The following PHACTR1 variants were observed in gnomAD, a reference collection of about 807,000 sequenced individuals.
PHACTR1 encodes the protein RPEL repeat containing 1.
Under a neutral mutation model 69.2 loss-of-function variants are expected in PHACTR1, and 16 were observed. The observed-to-expected ratio is 0.23, with a 90% CI of 0.16 to 0.35. The LOEUF is 0.35. Among genes scored for constraint, PHACTR1 ranks in the 10% least tolerant of loss-of-function variants. PHACTR1 has a pLI of 1.00. For missense variants in PHACTR1, 510 were observed against 734.7 expected (o/e 0.69, Z 3.54); for synonymous variants, 312 against 284.5 (o/e 1.10, Z -0.97).
At chr6:13,073,880 T>C (rs1211203827) in intron 5 of PHACTR1, among the ~76,000 whole-genome samples, 4 of 151,530 alleles carry the variant, frequency 2.6e-5, no homozygotes, top group South Asian at 4.2e-4. Flanking sequence ...TTTTCTTTTT[T>C]TTTTTTTTCT....
chr6:13,203,521 TA>T (rs1765509450), intron 7 of PHACTR1, among the ~76,000 whole-genome samples: 1 of 152,226 alleles, frequency 6.6e-6, no homozygotes, highest in Admixed American at 6.5e-5. Flanking sequence ...TCATTCCTGC[TA>T]TCATCATTAA....
intron 4 of PHACTR1, among the ~76,000 whole-genome samples, chr6:12,768,446 A>G (rs1250369037): frequency 6.6e-6 from 1 of 152,142 alleles, no homozygotes; most frequent in Non-Finnish European, 1.5e-5. Flanking sequence ...CCTGGAAGAA[A>G]CAGTTATCAC....
chr6:12,812,534 A>G (rs1775135915), intron 4 of PHACTR1, among the ~76,000 whole-genome samples: 1 of 152,298 alleles, frequency 6.6e-6, no homozygotes, highest in South Asian at 2.1e-4. Flanking sequence ...TAAACCACCC[A>G]ACAAGGCCTA....
intron 4 of PHACTR1, among the ~76,000 whole-genome samples, chr6:13,009,422 T>A (rs1305216270): frequency 6.6e-6 from 1 of 152,188 alleles, no homozygotes; most frequent in African/African-American, 2.4e-5. Flanking sequence ...TTTTCTTACA[T>A]TAAATATGTA....
intron 7 of PHACTR1, among the ~76,000 whole-genome samples, chr6:13,186,993 T>C (rs1335245774): frequency 1.3e-5 from 2 of 152,174 alleles, no homozygotes; most frequent in African/African-American, 4.8e-5. Context: ...TGGATTTTCA[T>C]AAGGAACATG....
chr6:13,206,318 A>G (rs562473695), intron 8 of PHACTR1, among the ~76,000 whole-genome samples, 182 bp downstream of exon 8: 22 of 152,260 alleles, frequency 1.4e-4, no homozygotes, highest in Non-Finnish European at 2.8e-4. Context: ...AATGTTGCCA[A>G]TTGAAAAGCT....
At chr6:13,215,698 C>A (rs1251476361) in intron 8 of PHACTR1, among the ~76,000 whole-genome samples, 1 of 152,170 alleles carries the variant, frequency 6.6e-6, no homozygotes, top group Admixed American at 6.5e-5. Context: ...TAAAGAAAAA[C>A]CATACAGGTC....
intron 5 of PHACTR1, among the ~76,000 whole-genome samples, chr6:13,142,463 T>C (rs945421959): frequency 1.3e-5 from 2 of 152,220 alleles, no homozygotes; most frequent in African/African-American, 4.8e-5. Context: ...GTGTCATATC[T>C]AAAAAGCCAT....
At chr6:12,773,190 GT>G (rs1391473072) in intron 4 of PHACTR1, among the ~76,000 whole-genome samples, 5 of 152,034 alleles carry the variant, frequency 3.3e-5, no homozygotes, top group Non-Finnish European at 7.4e-5. Context: ...TTTGCACAGG[GT>G]TTTTTAAAAA....
In PHACTR1 at chr6:12,770,679, T is replaced by C. The variant is rs796192875; in HGVS notation, c.250+20889T>C. On this transcript the variant is annotated intron_variant, in intron 4 of 14. Transcript: ENST00000332995. ...GATCTGCAGTGCACCGAACTGGCCG[T>C]GGCAAGACAAAGACATCTCTGCCAT... is the stretch of plus-strand genomic sequence containing the variant. Among the ~76,000 whole-genome samples, 37 of 152,232 alleles carry C rather than the reference T, an allele frequency of 2.4e-4. 1 individual carries two copies. Among genetic ancestry groups the C allele is most frequent in the African/African-American group, 8.2e-4 (34 of 41,536 alleles).
intron 4 of PHACTR1, among the ~76,000 whole-genome samples, chr6:13,045,701 T>C (rs1804908857): frequency 6.6e-6 from 1 of 152,244 alleles, no homozygotes; most frequent in African/African-American, 2.4e-5. Context: ...TTTTCCTTCC[T>C]TCCCATCTCC....
intron 4 of PHACTR1, among the ~76,000 whole-genome samples, chr6:13,049,431 G>A (rs764858249): frequency 3.3e-5 from 5 of 152,182 alleles, no homozygotes; most frequent in African/African-American, 1.2e-4. Context: ...AAAGGATTCT[G>A]TATATAATTT....
intron 4 of PHACTR1, among the ~76,000 whole-genome samples, chr6:12,837,605 G>T (rs578048005): frequency 1.3e-5 from 2 of 151,484 alleles, no homozygotes; most frequent in African/African-American, 4.8e-5. Context: ...TTACCTAAAT[G>T]AGACAAACAA....
At chr6:12,945,681 C>T (rs527450901) in intron 4 of PHACTR1, among the ~76,000 whole-genome samples, 1 of 152,152 alleles carries the variant, frequency 6.6e-6, no homozygotes, top group South Asian at 2.1e-4. Context: ...TGCTGAAGTT[C>T]AGCTGGGTAC....
intron 3 of PHACTR1, among the ~76,000 whole-genome samples, chr6:12,747,293 C>T (rs1002394485): frequency 1.3e-5 from 2 of 152,148 alleles, no homozygotes; most frequent in African/African-American, 4.8e-5. Context: ...TATGAGTACT[C>T]ACAACCCTCC....
intron 4 of PHACTR1, among the ~76,000 whole-genome samples, chr6:12,813,514 C>T (rs1775249814): frequency 6.6e-6 from 1 of 152,202 alleles, no homozygotes; most frequent in Non-Finnish European, 1.5e-5. Flanking sequence ...AGTTTAGAGA[C>T]ACCAAGTCCC....
rs181063347 is a variant in PHACTR1, at chr6:13,189,156, A to G, written c.664+6470A>G. On this transcript the variant is annotated intron_variant, in intron 7 of 14. Coordinates refer to ENST00000332995, the MANE Select transcript of PHACTR1 (RefSeq NM_030948.6). ...CAATTTAGCTGGACTTCACAGTCAG[A>G]TGTTCACATTTGGGTAATAATAATG... 9.8e-4 allele frequency among the ~76,000 whole-genome samples: 150 copies of G among 152,348 alleles called. 2 individuals are homozygous for G. The highest frequency in any genetic ancestry group is 3.5e-3 in the African/African-American group (147 of 41,574).
chr6:13,110,216 C>T (rs1048050244), intron 5 of PHACTR1, among the ~76,000 whole-genome samples: 3 of 151,858 alleles, frequency 2.0e-5, no homozygotes, highest in African/African-American at 7.3e-5. Flanking sequence ...TTATTAAATA[C>T]CAAGCATTTA....
At chr6:12,796,731 A>G (rs1773046027) in intron 4 of PHACTR1, among the ~76,000 whole-genome samples, 1 of 152,216 alleles carries the variant, frequency 6.6e-6, no homozygotes, top group African/African-American at 2.4e-5. Context: ...TGAACAATGG[A>G]GAACCCCAAA....
Sources: allele counts gnomAD v4.1 joint callset (sites outside exome capture counted in the v4.1 genomes callset), GRCh38; gene constraint gnomAD v4.1.1; transcripts MANE v1.5; gene names NCBI Gene and HGNC (gene_info 2026-07-23, HGNC 2026-07-21).